Variants in NRXN3 observed in about 807,000 individuals in gnomAD.
The protein encoded by NRXN3 is neurexin 3, also known as neurexin III.
Under a neutral mutation model 137.6 loss-of-function variants are expected in NRXN3, and 32 were observed. The observed-to-expected ratio is 0.23, with a 90% CI of 0.18 to 0.31. The LOEUF (loss-of-function observed/expected upper bound fraction) is 0.31, where lower values mean the gene tolerates loss of function less well. Among genes scored for constraint, NRXN3 ranks in the 10% least tolerant of loss-of-function variants. The pLI is 1.00. For missense variants in NRXN3, 1,574 were observed against 2,062.5 expected, an observed-to-expected ratio of 0.76 and a Z score of 4.59; for synonymous variants, 798 against 784.5, an observed-to-expected ratio of 1.02 and a Z score of -0.29.
intron 19 of NRXN3, among the ~76,000 whole-genome samples, chr14:79,767,563 T>C (rs1224004308): frequency 1.3e-5 from 2 of 152,246 alleles, no homozygotes; most frequent in African/African-American, 4.8e-5. Context: ...ACATCATCTA[T>C]ACCATCATTA....
At chr14:78,216,624 C>T (rs1026926017) in intron 1 of NRXN3, among the ~76,000 whole-genome samples, 14 of 152,164 alleles carry the variant, frequency 9.2e-5, no homozygotes, top group African/African-American at 3.4e-4. Flanking sequence ...AGCAATGCAG[C>T]GAGTTTGAAA....
At chr14:78,825,250 T>C (rs1237996911) in intron 10 of NRXN3, among the ~76,000 whole-genome samples, 2 of 150,430 alleles carry the variant, frequency 1.3e-5, no homozygotes, top group Non-Finnish European at 3.0e-5. Context: ...CACCCATTCC[T>C]GTATTCTTTT....
intron 17 of NRXN3, among the ~76,000 whole-genome samples, chr14:79,688,288 G>A (rs997575796): frequency 1.3e-5 from 2 of 152,054 alleles, no homozygotes; most frequent in South Asian, 2.1e-4. Context: ...ACTTGCCCAC[G>A]ATCACACAGC....
chr14:78,639,241 A>G (rs2097593935), intron 4 of NRXN3, among the ~76,000 whole-genome samples: 1 of 152,200 alleles, frequency 6.6e-6, no homozygotes, highest in African/African-American at 2.4e-5. Context: ...TTATCTTTGC[A>G]TGAATACAGA....
intron 4 of NRXN3, among the ~76,000 whole-genome samples, chr14:78,321,372 A>G (rs1205982609): frequency 6.6e-6 from 1 of 152,070 alleles, no homozygotes; most frequent in Non-Finnish European, 1.5e-5. Flanking sequence ...AACAAAACCC[A>G]TCTTCATAAA....
chr14:79,666,279 G>A (rs1462799456), intron 17 of NRXN3, among the ~76,000 whole-genome samples: 2 of 151,988 alleles, frequency 1.3e-5, no homozygotes, highest in African/African-American at 4.8e-5. Context: ...CTGTTTCCTA[G>A]TCTAGACAAC....
At chr14:78,470,769 C>G (rs961912924) in intron 4 of NRXN3, among the ~76,000 whole-genome samples, 1 of 152,050 alleles carries the variant, frequency 6.6e-6, no homozygotes, top group Admixed American at 6.6e-5. Flanking sequence ...TAGTATCACG[C>G]TTTTTTACAT....
intron 1 of NRXN3, among the ~76,000 whole-genome samples, chr14:78,211,947 T>A (rs1184036668): frequency 6.6e-6 from 1 of 152,218 alleles, no homozygotes; most frequent in African/African-American, 2.4e-5. Context: ...AGGCTGACTC[T>A]GGGATCATAT....
At chr14:78,833,170 T>G (rs1445616558) in intron 10 of NRXN3, among the ~76,000 whole-genome samples, 1 of 152,178 alleles carries the variant, frequency 6.6e-6, no homozygotes, top group Non-Finnish European at 1.5e-5. Flanking sequence ...AACAGCTTAT[T>G]TTCAGGGTTC....
chr14:78,203,111 C>CT (rs1435774939), intron 1 of NRXN3, among the ~76,000 whole-genome samples: 1 of 152,188 alleles, frequency 6.6e-6, no homozygotes, highest in East Asian at 1.9e-4. Flanking sequence ...GATGTTTCCT[C>CT]TTACACTTAT....
intron 10 of NRXN3, among the ~76,000 whole-genome samples, chr14:78,922,755 G>C (rs986987629): frequency 6.6e-6 from 1 of 152,068 alleles, no homozygotes; most frequent in East Asian, 1.9e-4. Context: ...TGCATGTGGG[G>C]CTTAATACCT....
chr14:78,182,175 A>T (rs1403093393), intron 1 of NRXN3, among the ~76,000 whole-genome samples: 1 of 152,170 alleles, frequency 6.6e-6, no homozygotes, highest in Non-Finnish European at 1.5e-5. Flanking sequence ...GCCCTGCTGC[A>T]AGGGCTTCAC....
intron 19 of NRXN3, among the ~76,000 whole-genome samples, chr14:79,703,382 TTC>T (rs1409378264): frequency 6.6e-6 from 1 of 152,196 alleles, no homozygotes; most frequent in Non-Finnish European, 1.5e-5. Context: ...GCAACGTCTG[TTC>T]TGGGTAGAGT....
intron 15 of NRXN3, among the ~76,000 whole-genome samples, chr14:79,234,691 C>G (rs2153304310): frequency 6.6e-6 from 1 of 151,878 alleles, no homozygotes; most frequent in Non-Finnish European, 1.5e-5. Context: ...TAATACTGCT[C>G]CCTCTCTCTT....
intron 1 of NRXN3, among the ~76,000 whole-genome samples, chr14:78,209,439 T>C (rs1331958773): frequency 6.6e-6 from 1 of 152,204 alleles, no homozygotes; most frequent in East Asian, 1.9e-4. Flanking sequence ...CACACTGCTA[T>C]AAAGACATGT....
At chr14:79,200,012 G>A (rs1255907528) in intron 15 of NRXN3, 2 of 152,182 alleles carry the variant, frequency 1.3e-5, no homozygotes, top group Non-Finnish European at 2.9e-5. Context: ...GTCATTGACT[G>A]GGGGAGTTTC....
At chr14:78,566,272 G>A (rs1655516127) in intron 4 of NRXN3, among the ~76,000 whole-genome samples, 1 of 152,114 alleles carries the variant, frequency 6.6e-6, no homozygotes, top group Admixed American at 6.5e-5. Context: ...GTCCAGGGAG[G>A]CTACTGTCCT....
At chr14:78,615,083 A>G (rs187783712) in intron 4 of NRXN3, 188 of 456,668 alleles carry the variant, frequency 4.1e-4, no homozygotes, top group Non-Finnish European at 6.0e-4. Flanking sequence ...ATTGTCCCTT[A>G]CAAGTTGAGG....
chr14:79,136,218 G>A (rs150492554), intron 15 of NRXN3, among the ~76,000 whole-genome samples: 90 of 152,232 alleles, frequency 5.9e-4, no homozygotes, highest in Middle Eastern at 3.4e-3. Flanking sequence ...CTCCCTAAAG[G>A]CGTAATTTAT....
Sources: allele counts gnomAD v4.1 joint callset (sites outside exome capture counted in the v4.1 genomes callset), GRCh38; gene constraint gnomAD v4.1.1; transcripts MANE v1.5; gene names NCBI Gene and HGNC (gene_info 2026-07-23, HGNC 2026-07-21).